MID1: variants seen among roughly 807,000 people sequenced by gnomAD.
The protein encoded by MID1 is E3 ubiquitin-protein ligase Midline-1.
A neutral mutation model predicts 40.4 loss-of-function variants in MID1; 7 were observed. That is an observed-to-expected ratio of 0.17 (90% confidence interval 0.10 to 0.33). The LOEUF (loss-of-function observed/expected upper bound fraction) is 0.33. MID1 is among the 10% of genes least tolerant of loss of function. The pLI, the probability that MID1 is intolerant of heterozygous loss-of-function variation, is 1.00. For synonymous variants in MID1, 229 were observed against 221.2 expected (o/e 1.04, Z -0.31); for missense variants, 367 against 558.5 (o/e 0.66, Z 3.46).
intron 1 of MID1, among the ~76,000 whole-genome samples, chrX:10,654,576 C>T (rs1049240854): frequency 9.0e-6 from 1 of 111,677 alleles, no homozygotes; most frequent in South Asian, 3.8e-4. Flanking sequence ...AGTCTAATGC[C>T]GCCGCTGATC....
chrX:10,646,548 T>C (rs1166779698), intron 1 of MID1, among the ~76,000 whole-genome samples: 2 of 111,128 alleles, frequency 1.8e-5, no homozygotes, highest in Admixed American at 1.9e-4. Flanking sequence ...GGGAAGGAAA[T>C]TTTCGCCTCC....
chrX:10,734,181 T>C (rs1373015929), intron 1 of MID1, among the ~76,000 whole-genome samples: 1 of 112,292 alleles, frequency 8.9e-6, no homozygotes, highest in African/African-American at 3.2e-5. Context: ...ATGTGGTACA[T>C]ACACACCATG....
chrX:10,721,715 A>C (rs1285858323), intron 1 of MID1, among the ~76,000 whole-genome samples: 2 of 84,134 alleles, frequency 2.4e-5, no homozygotes, highest in African/African-American at 7.5e-5. Flanking sequence ...AAGGGATTTA[A>C]ATCTAAAAAA....
rs1417002786 is a variant in MID1, at chrX:10,446,580, C to T, written c.*2788G>A. 1 of 112,170 alleles carries T rather than the reference C, an allele frequency of 8.9e-6. No individual in the cohort carries two copies. The highest frequency in any genetic ancestry group is 1.9e-5 in the Non-Finnish European group (1 of 53,287). 9.2% of individuals were successfully genotyped at this position (112,170 alleles called of 1,213,427 possible). On this transcript the variant is annotated 3_prime_UTR_variant, in exon 10 of 10. Transcript: ENST00000317552. Reference sequence around the variant, plus strand: ...CTTGAATGATATCGCCAGCAACTTTCAACTTTGGATCCAGATTTCTTTATT... The same window carrying T: ...CTTGAATGATATCGCCAGCAACTTTTAACTTTGGATCCAGATTTCTTTATT...
intron 2 of MID1, among the ~76,000 whole-genome samples, chrX:10,534,460 T>A (rs367735826): frequency 8.9e-6 from 1 of 112,450 alleles, no homozygotes; most frequent in African/African-American, 3.2e-5. Flanking sequence ...ATATTAAACA[T>A]ATTTGAAGCT....
At chrX:10,616,100 C>T (rs766314554) in intron 1 of MID1, among the ~76,000 whole-genome samples, 1 of 111,973 alleles carries the variant, frequency 8.9e-6, no homozygotes, top group East Asian at 2.8e-4. Flanking sequence ...CCTGATCTTC[C>T]GACCACGGGA....
chrX:10,642,503 G>A (rs1302914992), intron 1 of MID1, among the ~76,000 whole-genome samples: 1 of 109,893 alleles, frequency 9.1e-6, no homozygotes, highest in African/African-American at 3.4e-5. Flanking sequence ...ACTGCTCAAC[G>A]AAATAAAAGA....
chrX:10,608,312 A>C (rs1935662518), intron 1 of MID1, among the ~76,000 whole-genome samples: 1 of 112,340 alleles, frequency 8.9e-6, no homozygotes. Flanking sequence ...ACAAATGCTC[A>C]TAGCAACTTT....
intron 1 of MID1, among the ~76,000 whole-genome samples, chrX:10,576,073 T>C (rs1033976320): frequency 7.3e-5 from 8 of 109,669 alleles, no homozygotes; most frequent in Non-Finnish European, 1.5e-4. Context: ...ATTAATACAA[T>C]AGATATTTTG....
intron 1 of MID1, among the ~76,000 whole-genome samples, chrX:10,700,050 G>A (rs990064985): frequency 1.8e-5 from 2 of 110,347 alleles, no homozygotes; most frequent in Non-Finnish European, 3.8e-5. Context: ...TCGAACTCCC[G>A]ACCTCAGGTA....
chrX:10,670,524 G>A (rs776009411), intron 1 of MID1, among the ~76,000 whole-genome samples: 1 of 111,414 alleles, frequency 9.0e-6, no homozygotes, highest in South Asian at 3.8e-4. Context: ...ATCTTCACAC[G>A]CCCAGGGCAG....
At chrX:10,566,689 A>G (rs1269241362) in intron 2 of MID1, among the ~76,000 whole-genome samples, 199 bp downstream of exon 2, 1 of 111,205 alleles carries the variant, frequency 9.0e-6, no homozygotes, top group Non-Finnish European at 1.9e-5. Context: ...ACAACGCTAA[A>G]ATTACAAGCA....
intron 3 of MID1, among the ~76,000 whole-genome samples, 164 bp from the exon 4 acceptor site, chrX:10,495,855 C>T (rs995993189): frequency 1.8e-5 from 2 of 112,311 alleles, no homozygotes; most frequent in African/African-American, 3.2e-5. Flanking sequence ...ACTTACATGG[C>T]CACTTCCTAA....
intron 2 of MID1, among the ~76,000 whole-genome samples, chrX:10,533,395 G>GAAAGA (rs1569089928): frequency 7.6e-4 from 25 of 32,954 alleles, no homozygotes; most frequent in South Asian, 3.9e-3. Flanking sequence ...AGAAAGAAAA[G>GAAAGA]AAAGAAAGAA....
chrX:10,553,455 A>G (rs1056847232), intron 2 of MID1, among the ~76,000 whole-genome samples: 8 of 111,464 alleles, frequency 7.2e-5, no homozygotes, highest in African/African-American at 2.6e-4. Flanking sequence ...TGACTAACAC[A>G]TGGTGATCAT....
chrX:10,750,154 T>C (rs2043587720), intron 1 of MID1, among the ~76,000 whole-genome samples: 1 of 111,635 alleles, frequency 9.0e-6, no homozygotes, highest in Admixed American at 9.5e-5. Context: ...GATTTTCCTG[T>C]AACTGGCTGG....
At chrX:10,788,682 A>T (rs1001847839) in intron 1 of MID1, among the ~76,000 whole-genome samples, 1 of 111,538 alleles carries the variant, frequency 9.0e-6, no homozygotes, top group Non-Finnish European at 1.9e-5. Flanking sequence ...TTGGGGGTGG[A>T]TGTTACTGGC....
At chrX:10,457,524 T>TTTAC (rs2147263829) in intron 8 of MID1, among the ~76,000 whole-genome samples, 1 of 112,511 alleles carries the variant, frequency 8.9e-6, no homozygotes, top group South Asian at 3.7e-4. Flanking sequence ...CAGGCCGTTG[T>TTTAC]TTACTTACAT....
At chrX:10,674,150 G>A (rs186272733) in intron 1 of MID1, among the ~76,000 whole-genome samples, 58 of 112,319 alleles carry the variant, frequency 5.2e-4, no homozygotes, top group African/African-American at 1.8e-3. Context: ...GTTAATTCAC[G>A]AGAAACCTTT....
Sources: gnomAD v4.1 joint callset for allele counts (sites outside exome capture counted in the v4.1 genomes callset) on GRCh38, gnomAD v4.1.1 for gene constraint, MANE v1.5 for transcripts, NCBI Gene and HGNC (gene_info 2026-07-23, HGNC 2026-07-21) for gene names.